Variants in BCL2L13 observed in about 807,000 individuals in gnomAD.
BCL2L13 encodes the protein BCL2 like 13.
In BCL2L13, 13 loss-of-function variants were observed where a neutral mutation model predicts 25.8. The ratio of observed to expected loss-of-function variants is 0.50; its 90% CI spans 0.33 to 0.80. BCL2L13 has a LOEUF of 0.80. Ranked by LOEUF, BCL2L13 falls within the 30% of genes least tolerant of loss-of-function variation. BCL2L13 has a pLI of 0.02. For synonymous variants in BCL2L13, 244 were observed against 230.3 expected, an observed-to-expected ratio of 1.06 and a Z score of -0.54; for missense variants, 504 against 574.9, an observed-to-expected ratio of 0.88 and a Z score of 1.26.
chr22:17,715,153 TATATATATATATA>T (rs2060897628), intron 6 of BCL2L13, among the ~76,000 whole-genome samples: 1 of 5,428 alleles, frequency 1.8e-4, no homozygotes, highest in African/African-American at 6.8e-4. Context: ...TATATATATA[TATATATATATATA>T]TATATTTTTT....
At chr22:17,649,188 C>T (rs1002271702) in intron 1 of BCL2L13, among the ~76,000 whole-genome samples, 1 of 152,146 alleles carries the variant, frequency 6.6e-6, no homozygotes, top group South Asian at 2.1e-4. Context: ...ACTTCTGCCT[C>T]CCAGGCTCAA....
chr22:17,644,756 A>G (rs1017418658), intron 1 of BCL2L13, among the ~76,000 whole-genome samples: 8 of 151,020 alleles, frequency 5.3e-5, no homozygotes, highest in Non-Finnish European at 8.8e-5. Context: ...AGAATACAGT[A>G]TAAGTGTGAT....
intron 1 of BCL2L13, among the ~76,000 whole-genome samples, chr22:17,653,246 T>C (rs2146486716): frequency 6.6e-6 from 1 of 152,312 alleles, no homozygotes; most frequent in Non-Finnish European, 1.5e-5. Flanking sequence ...CGACTCTTCC[T>C]ATATTATCTG....
intron 6 of BCL2L13, among the ~76,000 whole-genome samples, chr22:17,704,097 T>C (rs2060520162): frequency 2.0e-5 from 3 of 149,954 alleles, no homozygotes; most frequent in Admixed American, 6.7e-5. Context: ...TTAATACTTC[T>C]TTTTTTTTTG....
At chr22:17,706,897 C>G (rs141556798) in intron 6 of BCL2L13, 1 of 1,196,826 alleles carries the variant, frequency 8.4e-7, no homozygotes, top group African/African-American at 1.5e-5. Context: ...CTTTTAGATT[C>G]CATAAAAGAT....
In BCL2L13 at chr22:17,647,130, C is replaced by T. The variant is rs369070688; in HGVS notation, c.-51+8244C>T. 4.0e-5 allele frequency among the ~76,000 whole-genome samples: 6 copies of T among 151,350 alleles called. No homozygotes were observed. In the East Asian group the frequency reaches 5.8e-4, roughly 15 times the overall value. The stretch of plus-strand genomic sequence containing the variant: ...CTGGGACTACAGGCACCTGCCACCA[C>T]GCCTGGCTAATTTTTTTGTATTTCT... On this transcript the variant is annotated intron_variant, in intron 1 of 6. Coordinates refer to ENST00000317582, the MANE Select transcript of BCL2L13 (RefSeq NM_015367.4).
chr22:17,703,216 T>A (rs1477205300), intron 6 of BCL2L13: 1 of 152,146 alleles, frequency 6.6e-6, no homozygotes, highest in Non-Finnish European at 1.5e-5. Flanking sequence ...CACACATGTA[T>A]ATTTTTATGT....
intron 3 of BCL2L13, among the ~76,000 whole-genome samples, chr22:17,687,970 AT>A (rs2059995070): frequency 6.6e-6 from 1 of 150,966 alleles, no homozygotes; most frequent in Non-Finnish European, 1.5e-5. Context: ...GGCATGCACC[AT>A]CACGCCCGGC....
In BCL2L13 at chr22:17,728,810, A is replaced by G. The variant is rs574809120; in HGVS notation, c.*1276A>G. On this transcript the variant is annotated 3_prime_UTR_variant, in exon 7 of 7. Coordinates refer to ENST00000317582, the MANE Select transcript of BCL2L13 (RefSeq NM_015367.4). ...GTGGCATCTTCACCTGAATTCTTCA[A>G]TGCCAGGGTAATAAACCAAAATAGT... 2.7e-4 allele frequency: 41 copies of G among 152,390 alleles called. No homozygotes were observed. The highest frequency in any genetic ancestry group is 9.6e-4 in the African/African-American group (40 of 41,594). The allele number at this position is 152,390 out of a possible 1,614,324, so 9.4% of individuals were successfully genotyped here.
At chr22:17,631,668 GTGTATATATA>G (rs1183476419) in intron 1 of BCL2L13, among the ~76,000 whole-genome samples, 11 of 21,864 alleles carry the variant, frequency 5.0e-4, no homozygotes, top group African/African-American at 1.5e-3. Flanking sequence ...ATGTGTGTGT[GTGTATATATA>G]TATATATATA....
rs180943163 is a variant in BCL2L13, at chr22:17,651,730, G to A, written c.-50-3932G>A. Among the ~76,000 whole-genome samples, 396 of 150,652 alleles carry A rather than the reference G, an allele frequency of 2.6e-3. 2 individuals are homozygous for A. The highest frequency in any genetic ancestry group is 0.011 in the Middle Eastern group (3 of 278). On this transcript the variant is annotated intron_variant, in intron 1 of 6. Transcript: ENST00000317582. ...TTTTGAGACGGAGTCTCACTCTGTC[G>A]CCCAGGCTGGAGTGCAGTGGCGCGA...
intron 3 of BCL2L13, among the ~76,000 whole-genome samples, chr22:17,688,463 A>G (rs977382274): frequency 2.0e-5 from 3 of 152,188 alleles, no homozygotes; most frequent in African/African-American, 4.8e-5. Context: ...TAAGAGAAGG[A>G]TAATAGAGCC....
intron 6 of BCL2L13, among the ~76,000 whole-genome samples, chr22:17,716,581 T>C (rs1477880633): frequency 6.6e-6 from 1 of 152,214 alleles, no homozygotes; most frequent in Non-Finnish European, 1.5e-5. Flanking sequence ...CCTCCTCTAA[T>C]GCCCTTCACT....
chr22:17,669,433 T>G (rs1344762375), intron 2 of BCL2L13, among the ~76,000 whole-genome samples: 1 of 152,170 alleles, frequency 6.6e-6, no homozygotes, highest in African/African-American at 2.4e-5. Flanking sequence ...GGGAAGCTCA[T>G]GTGTGCAGAG....
chr22:17,638,807 C>CT lies in BCL2L13; in HGVS notation c.-130_-129insT. 37 of 1,231,956 alleles carry CT rather than the reference C, an allele frequency of 3.0e-5. No individual in the cohort carries two copies. The highest frequency in any genetic ancestry group is 3.5e-5 in the Non-Finnish European group (35 of 988,176). The allele number at this position is 1,231,956 out of a possible 1,614,324, so 76.3% of individuals were successfully genotyped here. On this transcript the variant is annotated 5_prime_UTR_variant, in exon 1 of 7. Transcript: ENST00000317582. The stretch of plus-strand genomic sequence containing the variant: ...GATTAGGGCCGCGGGTCGGAGCACT[C>CT]ACCGCCGCTGGGGGACCCTGTCGGA...
At chr22:17,649,612 C>T (rs927170659) in intron 1 of BCL2L13, among the ~76,000 whole-genome samples, 5 of 152,036 alleles carry the variant, frequency 3.3e-5, no homozygotes, top group Non-Finnish European at 7.4e-5. Context: ...AAGTGATTCT[C>T]CTGCCTCAGC....
intron 2 of BCL2L13, among the ~76,000 whole-genome samples, chr22:17,667,963 CTTTTTTTTT>C (rs71201863): frequency 1.1e-4 from 8 of 71,700 alleles, no homozygotes; most frequent in African/African-American, 4.6e-4. Context: ...TCCAGTTTGT[CTTTTTTTTT>C]TTTTTTTTTT....
At chr22:17,677,297 C>T (rs1436524557) in intron 2 of BCL2L13, among the ~76,000 whole-genome samples, 5 of 152,266 alleles carry the variant, frequency 3.3e-5, no homozygotes, top group East Asian at 3.9e-4. Flanking sequence ...ATCTGTGATA[C>T]GTAAAAATGT....
chr22:17,662,519 C>A (rs1029624303), intron 2 of BCL2L13, among the ~76,000 whole-genome samples: 19 of 151,856 alleles, frequency 1.3e-4, no homozygotes, highest in African/African-American at 4.6e-4. Context: ...AATTAGTCTT[C>A]TTCATTAAAA....
Sources: allele counts gnomAD v4.1 joint callset (sites outside exome capture counted in the v4.1 genomes callset), GRCh38; gene constraint gnomAD v4.1.1; transcripts MANE v1.5; gene names NCBI Gene and HGNC (gene_info 2026-07-23, HGNC 2026-07-21).